Variants in C2CD4D observed in about 807,000 individuals in gnomAD.
The protein encoded by C2CD4D is C2 calcium dependent domain containing 4D.
A neutral mutation model predicts 0.2 loss-of-function variants in C2CD4D; 1 was observed. The ratio of observed to expected loss-of-function variants is 4.00; its 90% CI spans 1.42 to 18.99. The LOEUF (loss-of-function observed/expected upper bound fraction) is 18.99, where lower values mean the gene tolerates loss of function less well. C2CD4D is among the 30% of genes most tolerant of loss of function. C2CD4D has a pLI of 0.11. For missense variants in C2CD4D, 552 were observed against 551.2 expected, an observed-to-expected ratio of 1.00 and a Z score of -0.01; for synonymous variants, 269 against 279.8, an observed-to-expected ratio of 0.96 and a Z score of 0.39.
At position 151,839,146 on chromosome 1, in the gene C2CD4D, C is replaced by A. The variant is rs1652698786; in HGVS notation, c.-157G>T. The A allele has an allele frequency of 3.9e-6, 3 of 775,798 alleles. No homozygotes were observed. In the South Asian group the frequency reaches 6.0e-5, roughly 16 times the overall value. 48.1% of individuals were successfully genotyped at this position (775,798 alleles called of 1,614,324 possible). A position where few individuals can be genotyped will look rare whatever the true frequency, so the allele number is the denominator to read the frequency against. On this transcript the variant is annotated 5_prime_UTR_variant, in exon 2 of 2. Transcript: ENST00000454109. ...GTACACCGGGCGGTCAGCCACCGCG[C>A]CCCGGTCTCCGGACCCACTGGGAGC...
Position 151,838,932 on chromosome 1 carries a change from A to C in C2CD4D, c.58T>G (p.Trp20Gly), listed in dbSNP as rs1558176712. 4 of 1,550,002 alleles carry C rather than the reference A, an allele frequency of 2.6e-6. No homozygotes were observed. Among genetic ancestry groups the C allele is most frequent in the Non-Finnish European group, 3.5e-6 (4 of 1,146,610 alleles). Reference sequence around the variant, plus strand: ...TTGGAGAACAGGCCGGAAGGCGCCCAACGGGCCGCAGGCTCCGCGGCCCCC... The same window carrying C: ...TTGGAGAACAGGCCGGAAGGCGCCCCACGGGCCGCAGGCTCCGCGGCCCCC... Residue 20 changes from tryptophan to glycine, a missense_variant, in exon 2 of 2, where the codon TGG (tryptophan) becomes GGG (glycine). Trp to Gly is a radical substitution (Grantham distance 184, BLOSUM62 -2). Transcript: ENST00000454109.
In C2CD4D at chr1:151,838,054, CCT is replaced by C; in HGVS notation, c.934_935del (p.Arg312GlyfsTer44). 5 of 1,551,518 alleles carry C rather than the reference CCT, an allele frequency of 3.2e-6. No homozygotes were observed. The highest frequency in any genetic ancestry group is 3.5e-6 in the Non-Finnish European group (4 of 1,146,908). ...GCACATCCCTGCGAAGTCCCGCGCC[CCT>C]GTCTAGCACCTTGGCTCTCAGGCTG... is the stretch of plus-strand genomic sequence containing the variant. On this transcript the variant is annotated frameshift_variant, in exon 2 of 2. Coordinates refer to ENST00000454109, the Ensembl canonical transcript of C2CD4D. LOFTEE classifies it low-confidence loss of function (END_TRUNC).
chr1:151,838,609 G>C (rs918719629), exon 2 of C2CD4D: 1 of 1,314,512 alleles, frequency 7.6e-7, no homozygotes, highest in Non-Finnish European at 9.6e-7. Flanking sequence ...CCGGGGCGGA[G>C]ACGTGCAGCC....
exon 2 of C2CD4D, chr1:151,838,324 C>G: frequency 7.1e-7 from 1 of 1,410,712 alleles, no homozygotes. Context: ...CGGTGGAGAG[C>G]CGCAGCTGCC....
chr1:151,838,444 G>C (rs1652649924), exon 2 of C2CD4D: 4 of 1,411,214 alleles, frequency 2.8e-6, no homozygotes, highest in Non-Finnish European at 3.7e-6. Context: ...GGCGCGGCGA[G>C]TGCGGGCTGG....
chr1:151,838,182 G>T (rs1334410048), exon 2 of C2CD4D: 1 of 1,550,124 alleles, frequency 6.5e-7, no homozygotes, highest in Admixed American at 2.0e-5. Context: ...TGCTCCCGCG[G>T]CCGGACGCGG....
At chr1:151,839,430 AC>A (rs1263206743) in intron 1 of C2CD4D, among the ~76,000 whole-genome samples, 2 of 152,102 alleles carry the variant, frequency 1.3e-5, no homozygotes, top group African/African-American at 4.8e-5. Flanking sequence ...TCAGATCCCA[AC>A]CCCCCTGGGA....
At chr1:151,837,875 G>T in exon 2 of C2CD4D, 2 of 1,447,958 alleles carry the variant, frequency 1.4e-6, no homozygotes, top group South Asian at 1.5e-5. Context: ...AGGGTGGAAA[G>T]AATGTGGACT....
At chr1:151,838,594 C>A in exon 2 of C2CD4D, 1 of 1,315,388 alleles carries the variant, frequency 7.6e-7, no homozygotes, top group Non-Finnish European at 9.6e-7. Flanking sequence ...GGCAGAGGCG[C>A]AGGTCCGGGG....
In C2CD4D at chr1:151,838,715, GC is replaced by G; in HGVS notation, c.274del (p.Ala92ProfsTer147). 1 of 1,355,590 alleles carries G rather than the reference GC, an allele frequency of 7.4e-7. No individual in the cohort carries two copies. The highest frequency in any genetic ancestry group is 9.5e-7 in the Non-Finnish European group (1 of 1,056,350). The allele number at this position is 1,355,590 out of a possible 1,614,324, so 84.0% of individuals were successfully genotyped here. A position where few individuals can be genotyped will look rare whatever the true frequency, so the allele number is the denominator to read the frequency against. ...CGTGTGCGGGCTCTCGGGCAGGAAG[GC>G]CCAGCCTTCGCGGCCCGCCAGGTGA... On this transcript the variant is annotated frameshift_variant, in exon 2 of 2. Transcript: ENST00000454109. LOFTEE classifies it low-confidence loss of function (END_TRUNC).
exon 2 of C2CD4D, chr1:151,838,871 G>T: frequency 1.3e-6 from 2 of 1,542,744 alleles, no homozygotes; most frequent in Non-Finnish European, 1.7e-6. Context: ...GAGGACGTTG[G>T]GGCAGGCGCT....
chr1:151,838,376 C>A, exon 2 of C2CD4D: 1 of 1,435,256 alleles, frequency 7.0e-7, no homozygotes, highest in Non-Finnish European at 9.1e-7. Flanking sequence ...GCGCGTGGGC[C>A]GCAGCTGGCA....
chr1:151,839,193 AAAAG>A (rs1490713752), exon 2 of C2CD4D: 2 of 563,250 alleles, frequency 3.6e-6, no homozygotes, highest in East Asian at 6.8e-5. Flanking sequence ...TTTGAGCAGA[AAAAG>A]AAAGGGCGGC....
Position 151,838,141 on chromosome 1 carries a change from G to A in C2CD4D, c.849C>T (p.Asn283=), listed in dbSNP as rs1370787350. 1.9e-6 allele frequency: 3 copies of A among 1,551,352 alleles called. No individual in the cohort carries two copies. The Admixed American group carries it at 5.9e-5, about 30-fold the overall frequency. Residue 283 remains asparagine, a synonymous_variant, in exon 2 of 2, where the codon AAC becomes AAT. Coordinates refer to ENST00000454109, the Ensembl canonical transcript of C2CD4D. ...AAAAGAAATCCTCGTTGAAGATGGGGTTGGCGCTGCACTTGACCACGCGGC... is the reference window on the plus strand; with the variant it reads ...AAAAGAAATCCTCGTTGAAGATGGGATTGGCGCTGCACTTGACCACGCGGC...
intron 1 of C2CD4D, chr1:151,840,196 G>A (rs1020147901): frequency 6.6e-6 from 1 of 152,314 alleles, no homozygotes; most frequent in African/African-American, 2.4e-5. Flanking sequence ...CGCTGCCTAC[G>A]TCCTACCTCT....
At chr1:151,837,998 G>A in exon 2 of C2CD4D, 1 of 1,550,796 alleles carries the variant, frequency 6.4e-7, no homozygotes, top group Non-Finnish European at 8.7e-7. Flanking sequence ...GGGCAGCAGC[G>A]CAATGAGGGG....
chr1:151,838,314 C>T (rs1346931782), exon 2 of C2CD4D: 4 of 1,401,212 alleles, frequency 2.9e-6, no homozygotes, highest in South Asian at 1.6e-5. Context: ...GCCTGATATT[C>T]GGTGGAGAGC....
chr1:151,840,140 T>C (rs1470398498), intron 1 of C2CD4D: 1 of 152,356 alleles, frequency 6.6e-6, no homozygotes, highest in African/African-American at 2.4e-5. Flanking sequence ...TCTCTGCAGC[T>C]TGCTCCCCCA....
chr1:151,837,963 C>T (rs1652624587), exon 2 of C2CD4D: 1 of 1,546,774 alleles, frequency 6.5e-7, no homozygotes, highest in Admixed American at 2.0e-5. Context: ...AGGGATGACC[C>T]GGGACCTAGT....
Sources: gnomAD v4.1 joint callset for allele counts (sites outside exome capture counted in the v4.1 genomes callset) on GRCh38, gnomAD v4.1.1 for gene constraint, MANE v1.5 for transcripts, NCBI Gene and HGNC (gene_info 2026-07-23, HGNC 2026-07-21) for gene names.